The following FER variants were observed in gnomAD, a reference collection of about 807,000 sequenced individuals.
FER encodes the protein tyrosine-protein kinase Fer.
Under a neutral mutation model 111.0 loss-of-function variants are expected in FER, and 63 were observed. The ratio of observed to expected loss-of-function variants is 0.57; its 90% CI spans 0.46 to 0.70. The LOEUF is 0.70. Among genes scored for constraint, FER ranks in the 30% least tolerant of loss-of-function variants. The probability of loss-of-function intolerance (pLI) is 0.00; values close to 1 mark genes in which losing one functional copy is unlikely to be tolerated. For synonymous variants in FER, 327 were observed against 313.9 expected (o/e 1.04, Z -0.44); for missense variants, 914 against 954.0 (o/e 0.96, Z 0.55).
intron 16 of FER, among the ~76,000 whole-genome samples, chr5:109,065,576 G>T (rs770980873): frequency 2.6e-4 from 39 of 152,190 alleles, no homozygotes; most frequent in Non-Finnish European, 4.9e-4. Context: ...AGGTAAATCA[G>T]CTGAGCTTGG....
chr5:108,851,205 T>C (rs1762510443), intron 5 of FER, among the ~76,000 whole-genome samples: 1 of 152,164 alleles, frequency 6.6e-6, no homozygotes, highest in African/African-American at 2.4e-5. Context: ...GGACTTACAT[T>C]TCCATATGAC....
intron 14 of FER, among the ~76,000 whole-genome samples, chr5:109,039,378 T>C (rs1207087133): frequency 6.6e-6 from 1 of 152,132 alleles, no homozygotes; most frequent in African/African-American, 2.4e-5. Context: ...TTTTACAGTT[T>C]CAATGAGCAA....
chr5:109,094,561 A>AT (rs576306928), intron 16 of FER, among the ~76,000 whole-genome samples: 230 of 152,098 alleles, frequency 1.5e-3, no homozygotes, highest in African/African-American at 5.2e-3. Context: ...TGGTTGACAA[A>AT]TTTTTTTTAT....
chr5:109,101,928 G>T (rs905489143), intron 17 of FER, among the ~76,000 whole-genome samples: 1 of 152,046 alleles, frequency 6.6e-6, no homozygotes, highest in Non-Finnish European at 1.5e-5. Context: ...CCATTAGACC[G>T]CCTGTGGGCT....
intron 13 of FER, among the ~76,000 whole-genome samples, chr5:109,016,027 G>T (rs1174236918): frequency 2.0e-5 from 3 of 151,904 alleles, no homozygotes; most frequent in Admixed American, 2.0e-4. Context: ...TAGTTTAAGG[G>T]TTACTATTAG....
At chr5:109,004,105 T>C (rs1765188670) in intron 13 of FER, among the ~76,000 whole-genome samples, 1 of 152,372 alleles carries the variant, frequency 6.6e-6, no homozygotes, top group Non-Finnish European at 1.5e-5. Context: ...CATACTCTGC[T>C]GATGCAAATG....
intron 4 of FER, among the ~76,000 whole-genome samples, chr5:108,833,591 C>T (rs1261247822): frequency 1.3e-5 from 2 of 151,686 alleles, no homozygotes; most frequent in Non-Finnish European, 2.9e-5. Flanking sequence ...AATGTAACTA[C>T]AGGCCAGATG....
intron 5 of FER, chr5:108,841,765 G>A: frequency 3.0e-6 from 1 of 331,744 alleles, no homozygotes; most frequent in Non-Finnish European, 5.8e-6. Context: ...CAAGTGGGAG[G>A]TCTTTCTGGA....
chr5:108,781,686 T>G (rs1754094850), intron 2 of FER, among the ~76,000 whole-genome samples: 1 of 152,146 alleles, frequency 6.6e-6, no homozygotes, highest in Admixed American at 6.5e-5. Flanking sequence ...GGGTGTGACC[T>G]TCACAGATGT....
chr5:109,024,075 T>C (rs994013277), intron 13 of FER, among the ~76,000 whole-genome samples: 2 of 152,168 alleles, frequency 1.3e-5, no homozygotes, highest in African/African-American at 2.4e-5. Context: ...AAAGAGGCCA[T>C]GTTGCTGAAA....
chr5:109,057,274 A>G (rs767678835), intron 16 of FER, among the ~76,000 whole-genome samples: 1 of 152,222 alleles, frequency 6.6e-6, no homozygotes, highest in Non-Finnish European at 1.5e-5. Flanking sequence ...AAGAAACAAT[A>G]TAGATAGCAG....
intron 17 of FER, among the ~76,000 whole-genome samples, chr5:109,175,639 ACAAT>A (rs1459925437): frequency 6.6e-6 from 1 of 152,258 alleles, no homozygotes; most frequent in African/African-American, 2.4e-5. Flanking sequence ...AGCAAAGGAA[ACAAT>A]CAGCATAGTG....
At chr5:109,149,013 C>G (rs200583521) in intron 17 of FER, among the ~76,000 whole-genome samples, 1 of 152,134 alleles carries the variant, frequency 6.6e-6, no homozygotes. Context: ...GCAATTGTCA[C>G]ATAACCTAGT....
At chr5:109,143,548 A>G (rs1249701514) in intron 17 of FER, among the ~76,000 whole-genome samples, 1 of 152,038 alleles carries the variant, frequency 6.6e-6, no homozygotes. Flanking sequence ...ACTTCCTCAG[A>G]GGCCTTATCC....
intron 17 of FER, among the ~76,000 whole-genome samples, chr5:109,115,695 C>T (rs1750147703): frequency 6.6e-6 from 1 of 151,880 alleles, no homozygotes; most frequent in South Asian, 2.1e-4. Context: ...GGCACGACTC[C>T]TCTGTTCTTT....
At position 109,134,776 on chromosome 5, in the gene FER, A is replaced by G. The variant is rs1184828537; in HGVS notation, c.2048+34257A>G. ...GTAAATGCATAATTGAAACAAGTGC[A>G]CTCATACTATAAAAGTATGTTCCTA... On this transcript the variant is annotated intron_variant, in intron 17 of 19. Coordinates refer to ENST00000281092, the MANE Select transcript of FER (RefSeq NM_005246.4). Among the ~76,000 whole-genome samples, 4 of 152,292 alleles carry G rather than the reference A, an allele frequency of 2.6e-5. No individual in the cohort carries two copies. The East Asian group carries it at 5.8e-4, about 22-fold the overall frequency.
At chr5:108,848,150 G>C (rs1318430885) in intron 5 of FER, among the ~76,000 whole-genome samples, 1 of 152,190 alleles carries the variant, frequency 6.6e-6, no homozygotes, top group African/African-American at 2.4e-5. Flanking sequence ...AAAGTGTTGA[G>C]AGTACAGGTA....
chr5:109,069,093 G>T (rs1351377900), intron 16 of FER, among the ~76,000 whole-genome samples: 1 of 151,986 alleles, frequency 6.6e-6, no homozygotes, highest in African/African-American at 2.4e-5. Context: ...TGCTATTAAT[G>T]TGTAGATCAG....
chr5:108,827,853 G>T, intron 3 of FER, among the ~76,000 whole-genome samples: 1 of 129,500 alleles, frequency 7.7e-6, no homozygotes, highest in African/African-American at 3.0e-5. Flanking sequence ...CCCCAAGACA[G>T]GCTCTTGCTC....
Sources: gnomAD v4.1 joint callset for allele counts (sites outside exome capture counted in the v4.1 genomes callset) on GRCh38, gnomAD v4.1.1 for gene constraint, MANE v1.5 for transcripts, NCBI Gene and HGNC (gene_info 2026-07-23, HGNC 2026-07-21) for gene names.